Variants in ANKFN1 observed in about 807,000 individuals in gnomAD.
ANKFN1 encodes ankyrin repeat and fibronectin type III domain containing 1.
ANKFN1 carries 74 observed loss-of-function variants against 108.7 expected under a neutral mutation model. The ratio of observed to expected loss-of-function variants is 0.68; its 90% CI spans 0.56 to 0.83. The LOEUF (loss-of-function observed/expected upper bound fraction) is 0.83, where lower values mean the gene tolerates loss of function less well. Among genes scored for constraint, ANKFN1 ranks in the 40% least tolerant of loss-of-function variants. The pLI, the probability that ANKFN1 is intolerant of heterozygous loss-of-function variation, is 0.00. For synonymous variants in ANKFN1, 547 were observed against 516.2 expected, an observed-to-expected ratio of 1.06 and a Z score of -0.81; for missense variants, 1,505 against 1,382.3, an observed-to-expected ratio of 1.09 and a Z score of -1.41.
At chr17:56,165,341 G>A (rs1261130355) in intron 1 of ANKFN1, among the ~76,000 whole-genome samples, 2 of 152,036 alleles carry the variant, frequency 1.3e-5, no homozygotes, top group Non-Finnish European at 1.5e-5. Context: ...TACATAGACT[G>A]CTATTCTATA....
Position 56,142,520 on chromosome 17 carries a change from C to T in ANKFN1, c.289-85397C>T, listed in dbSNP as rs560112337. ...AACTTTAATCATCTGCACCACATGCCTAAAGGGCTAACTCACCTCAAACAG... is the reference window on the plus strand; with the variant it reads ...AACTTTAATCATCTGCACCACATGCTTAAAGGGCTAACTCACCTCAAACAG... On this transcript the variant is annotated intron_variant, in intron 4 of 12. Transcript: ENST00000635860. Among the ~76,000 whole-genome samples, 5 of 152,300 alleles carry T rather than the reference C, an allele frequency of 3.3e-5. No homozygotes were observed. In the East Asian group the frequency reaches 9.7e-4, roughly 29 times the overall value.
intron 4 of ANKFN1, among the ~76,000 whole-genome samples, chr17:56,089,042 TAAA>T (rs11333729): frequency 4.6e-5 from 7 of 150,576 alleles, no homozygotes; most frequent in East Asian, 1.9e-4. Flanking sequence ...ACTATACTGA[TAAA>T]AAAAAATCAC....
At chr17:56,368,276 C>CATTTTTTTTTTTTTTTTTT in intron 6 of ANKFN1, 1 of 63,814 alleles carries the variant, frequency 1.6e-5, no homozygotes, top group Non-Finnish European at 3.1e-5. Context: ...TGAAAATGAA[C>CATTTTTTTTTTTTTTTTTT]TTTTTTTTTT....
At chr17:56,141,906 T>C (rs1456378423) in intron 4 of ANKFN1, among the ~76,000 whole-genome samples, 1 of 151,912 alleles carries the variant, frequency 6.6e-6, no homozygotes, top group African/African-American at 2.4e-5. Context: ...CCCCCTCTTT[T>C]TCATAACGAT....
intron 14 of ANKFN1, among the ~76,000 whole-genome samples, 188 bp downstream of exon 14, chr17:56,458,167 G>A (rs1255015282): frequency 6.6e-6 from 1 of 152,108 alleles, no homozygotes; most frequent in Admixed American, 6.5e-5. Context: ...TAGGAAACCT[G>A]TACCTTTAGC....
chr17:56,097,401 C>T (rs112948424), intron 4 of ANKFN1, among the ~76,000 whole-genome samples: 249 of 152,302 alleles, frequency 1.6e-3, no homozygotes, highest in African/African-American at 5.7e-3. Context: ...TCTTACTGGA[C>T]GTGTCTCTGT....
intron 8 of ANKFN1, among the ~76,000 whole-genome samples, chr17:56,383,442 A>G (rs1003953948): frequency 2.6e-5 from 4 of 152,186 alleles, no homozygotes; most frequent in Non-Finnish European, 5.9e-5. Flanking sequence ...GAGCAAACAC[A>G]TTCAAAAGCT....
At chr17:56,501,847 A>G (rs1315348176) in intron 20 of ANKFN1, among the ~76,000 whole-genome samples, 2 of 152,188 alleles carry the variant, frequency 1.3e-5, no homozygotes, top group Admixed American at 6.5e-5. Context: ...GTGTAGAGAA[A>G]GGTTAAATTC....
At chr17:56,310,991 T>A (rs11870333) in intron 3 of ANKFN1, among the ~76,000 whole-genome samples, 11,653 of 152,274 alleles carry the variant, frequency 0.077, 458 homozygotes, top group East Asian at 0.15. Flanking sequence ...CTTTTTTAGA[T>A]GCTACACTAG....
chr17:56,188,581 G>GTGCATATATATATATA (rs1212242378), intron 1 of ANKFN1, among the ~76,000 whole-genome samples: 1 of 49,668 alleles, frequency 2.0e-5, no homozygotes, highest in Admixed American at 2.8e-4. Flanking sequence ...GTGTGTGTGT[G>GTGCATATATATATATA]TATATATATA....
Position 56,492,235 on chromosome 17 carries a change from T to C in ANKFN1, c.2309T>C (p.Leu770Pro), listed in dbSNP as rs2051062795. The C allele has an allele frequency of 1.4e-6, 1 of 702,490 alleles. No homozygotes were observed. Among genetic ancestry groups the C allele is most frequent in the Non-Finnish European group, 2.6e-6 (1 of 384,728 alleles). 43.5% of individuals were successfully genotyped at this position (702,490 alleles called of 1,614,324 possible). The change falls in exon 19 of 21, where the codon CTT (leucine) becomes CCT (proline). Residue 770 changes from leucine to proline, a missense_variant. By Grantham distance (98) the Leu-to-Pro change is moderately conservative. Transcript: ENST00000682825. The part of the protein sequence containing the change: ...REKFISLYCR[L>P]SAVVELDSLN... Reference sequence around the variant, plus strand: ...AAATTTATTAGTCTGTATTGCCGCCTTTCTGCTGTTGTGGAGCTGGATTCT... The same window carrying C: ...AAATTTATTAGTCTGTATTGCCGCCCTTCTGCTGTTGTGGAGCTGGATTCT...
At chr17:56,152,260 A>ATGTGTGTGTGTGTGTGTGTGTG (rs747513318), upstream of ANKFN1, among the ~76,000 whole-genome samples, 58 of 128,668 alleles carry the variant, frequency 4.5e-4, no homozygotes, top group Non-Finnish European at 5.7e-4. Context: ...ATATATATAT[A>ATGTGTGTGTGTGTGTGTGTGTG]TATGTGTGTG....
At chr17:56,400,705 T>C (rs1306477249) in intron 8 of ANKFN1, among the ~76,000 whole-genome samples, 1 of 152,216 alleles carries the variant, frequency 6.6e-6, no homozygotes, top group Non-Finnish European at 1.5e-5. Flanking sequence ...TCTTCTAGAA[T>C]TATTATAGTT....
rs183021124 is a variant in ANKFN1, at chr17:56,462,365, C to T, written c.1558-3991C>T. ...ATCCCAGCATTTTGGGAGGCCAAGG[C>T]GGGCAGATCACCTGTGGTCGGGAGT... On this transcript the variant is annotated intron_variant, in intron 14 of 20. Transcript: ENST00000682825. 1.2e-3 allele frequency among the ~76,000 whole-genome samples: 177 copies of T among 152,266 alleles called. 1 individual carries two copies. The highest frequency in any genetic ancestry group is 3.9e-3 in the African/African-American group (164 of 41,562).
intron 4 of ANKFN1, among the ~76,000 whole-genome samples, chr17:56,075,293 C>T (rs965135890): frequency 2.6e-5 from 4 of 152,176 alleles, no homozygotes; most frequent in Non-Finnish European, 5.9e-5. Flanking sequence ...ACTAACGATG[C>T]TTAACCCATA....
chr17:56,147,406 G>T (rs1344661085), intron 4 of ANKFN1, among the ~76,000 whole-genome samples: 1 of 152,160 alleles, frequency 6.6e-6, no homozygotes, highest in Non-Finnish European at 1.5e-5. Context: ...AATTTATAAA[G>T]GAAAGAGGTT....
intron 3 of ANKFN1, among the ~76,000 whole-genome samples, chr17:56,284,880 G>A (rs1021069022): frequency 7.2e-5 from 11 of 152,096 alleles, no homozygotes; most frequent in African/African-American, 2.4e-4. Context: ...AGTGAGATGA[G>A]TAAAGAAGAG....
At chr17:56,111,727 G>C (rs1357400055) in intron 4 of ANKFN1, among the ~76,000 whole-genome samples, 1 of 152,150 alleles carries the variant, frequency 6.6e-6, no homozygotes, top group Non-Finnish European at 1.5e-5. Context: ...GAAAGAAAAA[G>C]TCTGATAATT....
At chr17:56,317,828 G>C (rs1280861761) in intron 3 of ANKFN1, among the ~76,000 whole-genome samples, 2 of 152,072 alleles carry the variant, frequency 1.3e-5, no homozygotes, top group East Asian at 3.9e-4. Context: ...TATTCAGCTG[G>C]GTAATTCATT....
Sources: gnomAD v4.1 joint callset for allele counts (sites outside exome capture counted in the v4.1 genomes callset) on GRCh38, gnomAD v4.1.1 for gene constraint, MANE v1.5 for transcripts, NCBI Gene and HGNC (gene_info 2026-07-23, HGNC 2026-07-21) for gene names.